MAGI2: variants seen among roughly 807,000 people sequenced by gnomAD.
MAGI2 encodes the protein membrane-associated guanylate kinase, WW and PDZ domain-containing protein 2.
MAGI2 carries 35 observed loss-of-function variants against 133.3 expected under a neutral mutation model. The observed-to-expected ratio is 0.26, with a 90% CI of 0.20 to 0.35. MAGI2 has a LOEUF of 0.35. Among genes scored for constraint, MAGI2 ranks in the 10% least tolerant of loss-of-function variants. MAGI2 has a pLI of 1.00. For missense variants in MAGI2, 1,636 were observed against 1,863.4 expected, an observed-to-expected ratio of 0.88 and a Z score of 2.25; for synonymous variants, 729 against 710.6, an observed-to-expected ratio of 1.03 and a Z score of -0.41.
intron 2 of MAGI2, among the ~76,000 whole-genome samples, chr7:78,809,644 T>C (rs1788872929): frequency 1.3e-5 from 2 of 152,110 alleles, no homozygotes; most frequent in South Asian, 2.1e-4. Flanking sequence ...TGTTTTTTTT[T>C]TCCTATTACT....
intron 2 of MAGI2, among the ~76,000 whole-genome samples, chr7:78,962,543 T>C (rs1341714607): frequency 1.3e-5 from 2 of 151,274 alleles, no homozygotes; most frequent in Non-Finnish European, 3.0e-5. Context: ...AGGTACATGC[T>C]GTGCTATAAC....
At chr7:78,433,661 A>T (rs1042430318) in intron 6 of MAGI2, among the ~76,000 whole-genome samples, 3 of 152,070 alleles carry the variant, frequency 2.0e-5, no homozygotes, top group African/African-American at 7.2e-5. Flanking sequence ...AATCTTCTGG[A>T]TGACATCAGC....
rs923010088 is a variant in MAGI2, at chr7:78,566,543, A to C, written c.539-44898T>G. Among the ~76,000 whole-genome samples the C allele has an allele frequency of 2.6e-5, 4 of 151,824 alleles. No individual in the cohort carries two copies. In the South Asian group the frequency reaches 6.3e-4, roughly 24 times the overall value. On this transcript the variant is annotated intron_variant, in intron 3 of 21. Coordinates refer to ENST00000354212, the MANE Select transcript of MAGI2 (RefSeq NM_012301.4). ...TCAACAGACACAGTTTAAAAAAAAA[A>C]AAAAAAACAGAGGAAAACCAAGGTT...
At chr7:78,747,090 TTGA>T (rs567571872) in intron 2 of MAGI2, among the ~76,000 whole-genome samples, 83 of 152,210 alleles carry the variant, frequency 5.5e-4, no homozygotes, top group Middle Eastern at 3.4e-3. Context: ...CAGCGCCAGG[TTGA>T]TGATAATATT....
intron 20 of MAGI2, among the ~76,000 whole-genome samples, chr7:78,090,131 T>A (rs1204640694): frequency 6.6e-6 from 1 of 152,176 alleles, no homozygotes; most frequent in Non-Finnish European, 1.5e-5. Context: ...TTCAAGGCTC[T>A]GCTCAAATCC....
intron 1 of MAGI2, among the ~76,000 whole-genome samples, chr7:79,366,291 T>C (rs1381862453): frequency 6.6e-6 from 1 of 152,068 alleles, no homozygotes; most frequent in African/African-American, 2.4e-5. Flanking sequence ...AATCCCAAAA[T>C]GTTATACACT....
At chr7:78,367,823 A>G (rs1391431200) in intron 7 of MAGI2, among the ~76,000 whole-genome samples, 1 of 152,210 alleles carries the variant, frequency 6.6e-6, no homozygotes, top group Non-Finnish European at 1.5e-5. Context: ...TTATTTAGGG[A>G]CCGTAACTAT....
chr7:79,258,235 A>T (rs1833836874), intron 1 of MAGI2, among the ~76,000 whole-genome samples: 1 of 152,198 alleles, frequency 6.6e-6, no homozygotes, highest in Admixed American at 6.5e-5. Context: ...AATTATCACA[A>T]TGTAATAGAG....
intron 20 of MAGI2, among the ~76,000 whole-genome samples, chr7:78,112,445 G>T (rs1372698351): frequency 3.3e-5 from 5 of 152,116 alleles, no homozygotes; most frequent in Admixed American, 2.6e-4. Context: ...CAAAATCTTA[G>T]TTAGGCATAT....
At chr7:78,386,661 G>A (rs1265395657) in intron 6 of MAGI2, among the ~76,000 whole-genome samples, 1 of 152,186 alleles carries the variant, frequency 6.6e-6, no homozygotes, top group Non-Finnish European at 1.5e-5. Context: ...AAGTGGAGCT[G>A]TGATTTGTAC....
Position 79,178,289 on chromosome 7 carries a change from C to A in MAGI2, c.302-171083G>T, listed in dbSNP as rs541917295. On this transcript the variant is annotated intron_variant, in intron 1 of 21. Coordinates refer to ENST00000354212, the MANE Select transcript of MAGI2 (RefSeq NM_012301.4). ...AGTGAAAACAGCAGATACGTTCTAG[C>A]ACTGATGGTATGGAATTACAGTCTG... is the stretch of plus-strand genomic sequence containing the variant. 4.0e-5 allele frequency among the ~76,000 whole-genome samples: 6 copies of A among 151,840 alleles called. 1 individual carries two copies. The South Asian group carries it at 1.2e-3, about 32-fold the overall frequency.
intron 3 of MAGI2, among the ~76,000 whole-genome samples, chr7:78,601,400 T>G (rs1054448311): frequency 6.6e-6 from 1 of 152,226 alleles, no homozygotes; most frequent in African/African-American, 2.4e-5. Flanking sequence ...TGGTAATCAC[T>G]TGTAATTTTT....
intron 21 of MAGI2, among the ~76,000 whole-genome samples, chr7:78,043,493 G>A (rs1811074206): frequency 6.6e-6 from 1 of 152,186 alleles, no homozygotes; most frequent in African/African-American, 2.4e-5. Flanking sequence ...CTTGACCTCT[G>A]GGGCTGGAAA....
chr7:78,115,627 T>A (rs1490597119), intron 20 of MAGI2, among the ~76,000 whole-genome samples: 1 of 66,716 alleles, frequency 1.5e-5, no homozygotes, highest in African/African-American at 5.5e-5. Flanking sequence ...TTGATTCACC[T>A]GGAAAATAAA....
intron 2 of MAGI2, among the ~76,000 whole-genome samples, chr7:78,641,535 G>T (rs1030910989): frequency 6.6e-6 from 1 of 152,140 alleles, no homozygotes; most frequent in Non-Finnish European, 1.5e-5. Context: ...TTAGGTTTTC[G>T]ATGCTTTGTG....
At chr7:78,439,242 CTG>C (rs1787360197) in intron 6 of MAGI2, among the ~76,000 whole-genome samples, 2 of 152,160 alleles carry the variant, frequency 1.3e-5, no homozygotes, top group Admixed American at 1.3e-4. Flanking sequence ...GAGTCAGTCA[CTG>C]TTTCAACAAT....
intron 1 of MAGI2, among the ~76,000 whole-genome samples, chr7:79,224,349 G>A (rs981192184): frequency 5.3e-5 from 8 of 151,918 alleles, no homozygotes; most frequent in Non-Finnish European, 1.0e-4. Flanking sequence ...GTCTTGGCCC[G>A]TCTTTTTGCT....
At chr7:78,784,943 A>AT (rs199727357) in intron 2 of MAGI2, among the ~76,000 whole-genome samples, 4,005 of 152,182 alleles carry the variant, frequency 0.026, 166 homozygotes, top group African/African-American at 0.089. Flanking sequence ...GCTTAGAACT[A>AT]TTTTTTTGCA....
intron 1 of MAGI2, among the ~76,000 whole-genome samples, chr7:79,020,497 T>G (rs934620530): frequency 2.6e-4 from 40 of 152,210 alleles, no homozygotes; most frequent in African/African-American, 9.1e-4. Context: ...TCAGGCGCGG[T>G]GGCTGATGCC....
Sources: gnomAD v4.1 joint callset for allele counts (sites outside exome capture counted in the v4.1 genomes callset) on GRCh38, gnomAD v4.1.1 for gene constraint, MANE v1.5 for transcripts, NCBI Gene and HGNC (gene_info 2026-07-23, HGNC 2026-07-21) for gene names.